ADORA1: variants seen among roughly 807,000 people sequenced by gnomAD.
ADORA1 encodes adenosine receptor A1.
A neutral mutation model predicts 19.9 loss-of-function variants in ADORA1; 6 were observed. The ratio of observed to expected loss-of-function variants is 0.30; its 90% confidence interval spans 0.17 to 0.59. The LOEUF (loss-of-function observed/expected upper bound fraction) is 0.59, where lower values mean the gene tolerates loss of function less well. Ranked by LOEUF, ADORA1 falls within the 20% of genes least tolerant of loss-of-function variation. The pLI is 0.87. For synonymous variants in ADORA1, 194 were observed against 188.4 expected (o/e 1.03, Z -0.24); for missense variants, 302 against 439.2 (o/e 0.69, Z 2.79).
At chr1:203,146,955 G>C (rs1483389943) in intron 3 of ADORA1, among the ~76,000 whole-genome samples, 1 of 152,230 alleles carries the variant, frequency 6.6e-6, no homozygotes, top group Non-Finnish European at 1.5e-5. Flanking sequence ...CAGGAGTGAG[G>C]CATGATGAAG....
At chr1:203,155,070 C>T (rs897472796) in intron 3 of ADORA1, among the ~76,000 whole-genome samples, 17 of 148,660 alleles carry the variant, frequency 1.1e-4, no homozygotes, top group Middle Eastern at 3.5e-3. Context: ...TATTTTGAGA[C>T]GGAGTCTCGC....
intron 3 of ADORA1, among the ~76,000 whole-genome samples, chr1:203,160,046 C>T (rs990180224): frequency 3.9e-5 from 6 of 152,244 alleles, no homozygotes; most frequent in Admixed American, 6.5e-5. Flanking sequence ...TCCAAGCTTC[C>T]ATCCCCCAAT....
At chr1:203,142,436 A>G (rs973249846) in intron 3 of ADORA1, among the ~76,000 whole-genome samples, 12 of 152,344 alleles carry the variant, frequency 7.9e-5, no homozygotes, top group African/African-American at 2.9e-4. Flanking sequence ...TGGAGGAAGG[A>G]CACCTTAGTG....
At chr1:203,160,104 G>A (rs1321092511) in intron 3 of ADORA1, among the ~76,000 whole-genome samples, 2 of 152,182 alleles carry the variant, frequency 1.3e-5, no homozygotes, top group African/African-American at 4.8e-5. Context: ...GGTCCAATAT[G>A]GGCTTTGCAC....
intron 3 of ADORA1, among the ~76,000 whole-genome samples, chr1:203,141,577 T>C (rs1654693733): frequency 7.2e-6 from 1 of 139,362 alleles, no homozygotes. Context: ...CCTGGATTTT[T>C]TTTTTTTTTT....
At chr1:203,131,053 C>T (rs1571779298) in intron 3 of ADORA1, among the ~76,000 whole-genome samples, 1 of 152,256 alleles carries the variant, frequency 6.6e-6, no homozygotes, top group South Asian at 2.1e-4. Context: ...TGCCTACTCC[C>T]TAGGGTTATT....
chr1:203,146,892 T>A (rs542937951), intron 3 of ADORA1, among the ~76,000 whole-genome samples: 1 of 152,228 alleles, frequency 6.6e-6, no homozygotes, highest in Admixed American at 6.5e-5. Flanking sequence ...TCCCACATGG[T>A]CCACAGAGGT....
chr1:203,163,136 C>T (rs925299087), intron 3 of ADORA1, among the ~76,000 whole-genome samples: 1 of 152,178 alleles, frequency 6.6e-6, no homozygotes, highest in African/African-American at 2.4e-5. Context: ...TTTAAATAGC[C>T]CTTAGGCTGT....
chr1:203,151,453 A>G (rs1232982887), intron 3 of ADORA1, among the ~76,000 whole-genome samples: 1 of 152,238 alleles, frequency 6.6e-6, no homozygotes, highest in East Asian at 1.9e-4. Context: ...CTGGCCTTCC[A>G]AAGTGAAACA....
intron 3 of ADORA1, among the ~76,000 whole-genome samples, chr1:203,131,237 G>C (rs998958734): frequency 7.9e-5 from 12 of 152,104 alleles, no homozygotes; most frequent in Non-Finnish European, 1.5e-4. Flanking sequence ...GGTGTCATTC[G>C]GTGTCAACAC....
At chr1:203,145,951 G>A (rs1401002282) in intron 3 of ADORA1, among the ~76,000 whole-genome samples, 1 of 152,186 alleles carries the variant, frequency 6.6e-6, no homozygotes, top group Non-Finnish European at 1.5e-5. Flanking sequence ...GGTGTATAAA[G>A]CCCTGCACTC....
At chr1:203,138,079 G>A (rs1471790006) in intron 3 of ADORA1, among the ~76,000 whole-genome samples, 3 of 152,168 alleles carry the variant, frequency 2.0e-5, no homozygotes, top group African/African-American at 7.2e-5. Flanking sequence ...TTGCTTATGG[G>A]TTGGATGTGG....
At chr1:203,134,685 AT>A (rs1654450160) in intron 3 of ADORA1, among the ~76,000 whole-genome samples, 1 of 152,214 alleles carries the variant, frequency 6.6e-6, no homozygotes, top group South Asian at 2.1e-4. Context: ...AAAGCAATCC[AT>A]GTTGATTGTG....
chr1:203,148,980 C>A (rs779457282), intron 3 of ADORA1, among the ~76,000 whole-genome samples: 1 of 152,070 alleles, frequency 6.6e-6, no homozygotes. Context: ...CGGGTTCAAG[C>A]GATTCTCCTG....
intron 3 of ADORA1, among the ~76,000 whole-genome samples, chr1:203,155,286 C>T (rs1212147417): frequency 6.6e-6 from 1 of 152,208 alleles, no homozygotes; most frequent in Non-Finnish European, 1.5e-5. Context: ...AAGTGATCCA[C>T]CTGCCTTGGT....
chr1:203,138,239 C>A (rs952243173), intron 3 of ADORA1, among the ~76,000 whole-genome samples: 2 of 152,128 alleles, frequency 1.3e-5, no homozygotes, highest in Non-Finnish European at 2.9e-5. Context: ...TTTAGACATG[C>A]TGACTTTGGC....
chr1:203,128,953 C>A lies in ADORA1; in HGVS notation c.112C>A (p.Gln38Lys). ...VLVIWAVKVNQALRDATFCFI... is the reference protein window; with the variant it reads ...VLVIWAVKVNKALRDATFCFI... ...GGTGATCTGGGCGGTGAAGGTGAACCAGGCGCTGCGGGATGCCACCTTCTG... is the reference window on the plus strand; with the variant it reads ...GGTGATCTGGGCGGTGAAGGTGAACAAGGCGCTGCGGGATGCCACCTTCTG... The change falls in exon 3 of 4, where the codon CAG (glutamine) becomes AAG (lysine). Residue 38 changes from glutamine (Q) to lysine (K), a missense_variant. Coordinates refer to ENST00000337894, the MANE Select transcript of ADORA1 (RefSeq NM_000674.3). This position sits in a 1 kb window ranked among gnomAD's most constrained non-coding sequence, Gnocchi z 5.9. The A allele has an allele frequency of 2.5e-6, 4 of 1,614,092 alleles. No individual in the cohort carries two copies. Among genetic ancestry groups the A allele is most frequent in the Non-Finnish European group, 3.4e-6 (4 of 1,180,032 alleles).
rs533658638 is a variant in ADORA1 at position 203,147,574 on chromosome 1, C to G, written c.342-17687C>G. 1.5e-4 allele frequency among the ~76,000 whole-genome samples: 23 copies of G among 152,340 alleles called. No individual in the cohort carries two copies. The East Asian group carries it at 3.7e-3, about 24-fold the overall frequency. The stretch of plus-strand genomic sequence containing the variant: ...TCAGGGACCAGCAGCCTTGGCATCT[C>G]CTGGGAGCTTGTTAGAAATGCAGAG... On this transcript the variant is annotated intron_variant, in intron 3 of 3. Transcript: ENST00000337894.
chr1:203,151,367 G>A (rs936139319), intron 3 of ADORA1, among the ~76,000 whole-genome samples: 3 of 152,196 alleles, frequency 2.0e-5, no homozygotes, highest in African/African-American at 7.2e-5. Context: ...ATAGATCAGG[G>A]AACACAGACC....
Sources: gnomAD v4.1 joint callset for allele counts (sites outside exome capture counted in the v4.1 genomes callset) on GRCh38, gnomAD v4.1.1 for gene constraint, Gnocchi (gnomAD v3.1) non-coding constraint, MANE v1.5 for transcripts, NCBI Gene and HGNC (gene_info 2026-07-23, HGNC 2026-07-21) for gene names.